The following THSD7A variants were observed in gnomAD, a reference collection of about 807,000 sequenced individuals.
THSD7A encodes the protein thrombospondin type 1 domain containing 7A, also known as thrombospondin type-1 domain-containing protein 7A.
In THSD7A, 96 loss-of-function variants were observed where a neutral mutation model predicts 231.3. That is an observed-to-expected ratio of 0.41 (90% CI 0.35 to 0.49). The LOEUF is 0.49. THSD7A is among the 20% of genes least tolerant of loss of function. The pLI, the probability that THSD7A is intolerant of heterozygous loss-of-function variation, is 0.05. For missense variants in THSD7A, 2,290 were observed against 2,070.2 expected, an observed-to-expected ratio of 1.11 and a Z score of -2.06; for synonymous variants, 940 against 743.3, an observed-to-expected ratio of 1.26 and a Z score of -4.30.
At chr7:11,456,147 T>C (rs1367647899) in intron 11 of THSD7A, among the ~76,000 whole-genome samples, 1 of 152,016 alleles carries the variant, frequency 6.6e-6, no homozygotes, top group Non-Finnish European at 1.5e-5. Context: ...GCACATATTA[T>C]ATGAGACACA....
At chr7:11,823,127 G>A (rs1355368345) in intron 1 of THSD7A, among the ~76,000 whole-genome samples, 1 of 151,962 alleles carries the variant, frequency 6.6e-6, no homozygotes, top group Non-Finnish European at 1.5e-5. Flanking sequence ...GTAGATTTTT[G>A]TATGTAATGA....
intron 1 of THSD7A, among the ~76,000 whole-genome samples, chr7:11,746,762 C>T (rs1782320471): frequency 6.6e-6 from 1 of 151,790 alleles, no homozygotes; most frequent in African/African-American, 2.4e-5. Context: ...TTTCCTCTTT[C>T]CATACTCCCT....
At position 11,406,892 on chromosome 7, in the gene THSD7A, C is replaced by A; in HGVS notation, c.4062+18G>T. The stretch of plus-strand genomic sequence containing the variant: ...AGATAGAGTACACACTTCCTGACAA[C>A]TTCTTGAGATTTGATACCTGCACTT... On this transcript the variant is annotated intron_variant, in intron 21 of 27. Transcript: ENST00000423059. The surrounding 1 kb of genome is among the most constrained non-coding windows in gnomAD (Gnocchi z 4.7). The A allele has an allele frequency of 6.2e-7, 1 of 1,613,402 alleles. No individual in the cohort carries two copies. The highest frequency in any genetic ancestry group is 8.5e-7 in the Non-Finnish European group (1 of 1,179,664).
At chr7:11,496,631 C>T (rs1243147551) in intron 6 of THSD7A, among the ~76,000 whole-genome samples, 2 of 152,128 alleles carry the variant, frequency 1.3e-5, no homozygotes, top group African/African-American at 4.8e-5. Context: ...AAATAAATTA[C>T]ACTTCTTCCA....
intron 2 of THSD7A, among the ~76,000 whole-genome samples, chr7:11,608,143 G>C (rs1780798202): frequency 6.6e-6 from 1 of 152,080 alleles, no homozygotes; most frequent in Admixed American, 6.6e-5. Context: ...GAAAACTCTA[G>C]GTGGGTTTAT....
intron 1 of THSD7A, among the ~76,000 whole-genome samples, chr7:11,781,881 G>A (rs1270859084): frequency 6.6e-6 from 1 of 151,972 alleles, no homozygotes; most frequent in Non-Finnish European, 1.5e-5. Context: ...TGTAGACCAG[G>A]GTTTCCTGAC....
At chr7:11,823,213 C>G (rs1009820710) in intron 1 of THSD7A, among the ~76,000 whole-genome samples, 2 of 152,018 alleles carry the variant, frequency 1.3e-5, no homozygotes, top group Non-Finnish European at 2.9e-5. Flanking sequence ...AAGGAGAGTT[C>G]TTTCTCCAAC....
At chr7:11,564,856 C>T (rs1177331372) in intron 4 of THSD7A, among the ~76,000 whole-genome samples, 1 of 152,032 alleles carries the variant, frequency 6.6e-6, no homozygotes, top group East Asian at 1.9e-4. Flanking sequence ...TCTCACTGAC[C>T]TTGTTTCGTG....
At chr7:11,596,900 C>T (rs1049344769) in intron 2 of THSD7A, among the ~76,000 whole-genome samples, 3 of 152,212 alleles carry the variant, frequency 2.0e-5, no homozygotes, top group African/African-American at 7.2e-5. Context: ...TCCATAAGGC[C>T]CATCAGAAGC....
At chr7:11,767,493 C>T (rs967740183) in intron 1 of THSD7A, among the ~76,000 whole-genome samples, 4 of 152,168 alleles carry the variant, frequency 2.6e-5, no homozygotes, top group Non-Finnish European at 2.9e-5. Context: ...TACACATTAA[C>T]GAAATCTACT....
At chr7:11,821,345 G>A (rs1784867220) in intron 1 of THSD7A, 1 of 689,670 alleles carries the variant, frequency 1.4e-6, no homozygotes, top group Admixed American at 1.9e-5. Context: ...TTGGAGCTAA[G>A]AGGACTAATT....
At chr7:11,743,394 T>G (rs989482450) in intron 1 of THSD7A, among the ~76,000 whole-genome samples, 2 of 151,916 alleles carry the variant, frequency 1.3e-5, no homozygotes, top group African/African-American at 4.8e-5. Context: ...CAAATTTACA[T>G]GTTTTTCTTA....
chr7:11,771,595 G>C lies in THSD7A; in HGVS notation c.190+60162C>G, dbSNP rs374853244. On this transcript the variant is annotated intron_variant, in intron 1 of 27. Coordinates refer to ENST00000423059, the MANE Select transcript of THSD7A (RefSeq NM_015204.3). ...ATGCAATTTCAATATATACATACCA[G>C]GTTTTTTTTTTTCCTGGAGTAAATA... is the stretch of plus-strand genomic sequence containing the variant. Among the ~76,000 whole-genome samples the C allele has an allele frequency of 3.9e-5, 6 of 151,930 alleles. No homozygotes were observed. In the South Asian group the frequency reaches 1.2e-3, roughly 32 times the overall value.
chr7:11,710,689 A>C (rs537878081), intron 1 of THSD7A, among the ~76,000 whole-genome samples: 64 of 151,028 alleles, frequency 4.2e-4, no homozygotes, highest in Admixed American at 4.2e-3. Context: ...TCTGAGGAAG[A>C]GAAGTTCTTT....
intron 23 of THSD7A, 57 bp downstream of exon 23, chr7:11,401,738 T>A (rs547484787): frequency 1.4e-6 from 2 of 1,474,698 alleles, no homozygotes; most frequent in African/African-American, 3.1e-5. Flanking sequence ...AACAGACTAT[T>A]TTTTTTTTAA....
intron 1 of THSD7A, among the ~76,000 whole-genome samples, chr7:11,685,854 G>T (rs555599262): frequency 6.6e-6 from 1 of 151,986 alleles, no homozygotes; most frequent in Non-Finnish European, 1.5e-5. Context: ...TGACCCAGCA[G>T]TCCCATTACT....
chr7:11,434,171 A>C (rs550172721), intron 13 of THSD7A, among the ~76,000 whole-genome samples: 1 of 152,150 alleles, frequency 6.6e-6, no homozygotes, highest in African/African-American at 2.4e-5. Context: ...AGAAAGAAAA[A>C]CATTTAGAAT....
intron 11 of THSD7A, among the ~76,000 whole-genome samples, chr7:11,458,745 C>A (rs1274560381): frequency 1.3e-5 from 2 of 152,022 alleles, no homozygotes; most frequent in Non-Finnish European, 2.9e-5. Context: ...AGGTGGCCAC[C>A]CAGGATGAAG....
chr7:11,481,650 T>A (rs751662157), intron 7 of THSD7A, 138 bp downstream of exon 7: 2 of 856,390 alleles, frequency 2.3e-6, no homozygotes, highest in Non-Finnish European at 1.7e-6. Context: ...GCTCAACACA[T>A]CAACAGATAT....
Sources: allele counts gnomAD v4.1 joint callset (sites outside exome capture counted in the v4.1 genomes callset), GRCh38; gene constraint gnomAD v4.1.1; non-coding constraint Gnocchi (gnomAD v3.1); transcripts MANE v1.5; gene names NCBI Gene and HGNC (gene_info 2026-07-23, HGNC 2026-07-21).